Variants in ABCA3 observed in about 807,000 individuals in gnomAD.
The protein encoded by ABCA3 is phospholipid-transporting ATPase ABCA3.
In ABCA3, 88 loss-of-function variants were observed where a neutral mutation model predicts 172.8. The ratio of observed to expected loss-of-function variants is 0.51; its 90% CI spans 0.43 to 0.61. ABCA3 has a LOEUF of 0.61. Among genes scored for constraint, ABCA3 ranks in the 20% least tolerant of loss-of-function variants. The pLI is 0.00. For missense variants in ABCA3, 2,164 were observed against 2,301.0 expected (o/e 0.94, Z 1.22); for synonymous variants, 1,066 against 983.8 (o/e 1.08, Z -1.56).
At chr16:2,308,105 C>T (rs968959208) in intron 11 of ABCA3, among the ~76,000 whole-genome samples, 9 of 152,236 alleles carry the variant, frequency 5.9e-5, no homozygotes, top group African/African-American at 2.2e-4. Flanking sequence ...CTGAAAGAGG[C>T]TCAGGTCACC....
Position 2,284,815 on chromosome 16 carries a change from C to T in ABCA3, c.3667G>A (p.Ala1223Thr), listed in dbSNP as rs776959824. ...LTIFNILSGIATFLMVTIMRI... is the reference protein window; with the variant it reads ...LTIFNILSGITTFLMVTIMRI... ...ATGATGGTGACCATCAGGAAGGTGG[C>T]GATGCCTGACAGGATGTTGAAGATG... is the stretch of plus-strand genomic sequence containing the variant. Residue 1223 changes from alanine (A) to threonine (T), a missense_variant, in exon 24 of 33, where the codon GCC becomes ACC. Around this residue, in one of 3 missense-constraint regions of ABCA3, gnomAD observed 795 missense variants for 881.9 expected, o/e 0.90. Coordinates refer to ENST00000301732, the MANE Select transcript of ABCA3 (RefSeq NM_001089.3). The surrounding 1 kb of genome is among the most constrained non-coding windows in gnomAD (Gnocchi z 5.9). 136 of 1,613,672 alleles carry T rather than the reference C, an allele frequency of 8.4e-5. No individual in the cohort carries two copies. The highest frequency in any genetic ancestry group is 1.1e-4 in the Non-Finnish European group (128 of 1,179,958).
chr16:2,297,574 G>C lies in ABCA3; in HGVS notation c.2053-35C>G. 1 of 1,608,932 alleles carries C rather than the reference G, an allele frequency of 6.2e-7. No individual in the cohort carries two copies. The highest frequency in any genetic ancestry group is 8.5e-7 in the Non-Finnish European group (1 of 1,179,004). On this transcript the variant is annotated intron_variant, in intron 16 of 32. Coordinates refer to ENST00000301732, the MANE Select transcript of ABCA3 (RefSeq NM_001089.3). This position sits in a 1 kb window ranked among gnomAD's most constrained non-coding sequence, Gnocchi z 5.6. ...GAGACACAGTCTCGCGACGCTGGTA[G>C]AGCCACACCCCGGGCCCAGGCTGGC... is the stretch of plus-strand genomic sequence containing the variant.
At chr16:2,292,309 C>A (rs776359693) in intron 18 of ABCA3, 71 bp from the exon 19 acceptor site, 72 of 1,340,982 alleles carry the variant, frequency 5.4e-5, no homozygotes, top group Non-Finnish European at 6.1e-5. Flanking sequence ...TAAAGCATCA[C>A]CCCCCCTCGG....
intron 10 of ABCA3, among the ~76,000 whole-genome samples, chr16:2,315,202 TTAC>T (rs1567350244): frequency 3.3e-5 from 4 of 119,446 alleles, no homozygotes; most frequent in East Asian, 4.4e-4. Context: ...TGTATGTATT[TTAC>T]ACACACACAC....
intron 11 of ABCA3, among the ~76,000 whole-genome samples, chr16:2,306,784 G>A (rs1287918480): frequency 1.3e-5 from 2 of 152,168 alleles, no homozygotes; most frequent in East Asian, 3.9e-4. Flanking sequence ...GGGAGGCCGA[G>A]GCGGGCGGAT....
chr16:2,304,167 G>A lies in ABCA3; in HGVS notation c.1286-17C>T, dbSNP rs1567345818. ...TGCCCATGCCTGGAAGACACATCAGGAAAGTGGCCCGAAAGCCAGCAGGCT... is the reference window on the plus strand; with the variant it reads ...TGCCCATGCCTGGAAGACACATCAGAAAAGTGGCCCGAAAGCCAGCAGGCT... On this transcript the variant is annotated splice_polypyrimidine_tract_variant and intron_variant, in intron 11 of 32. Transcript: ENST00000301732. 3.1e-6 allele frequency: 5 copies of A among 1,614,002 alleles called. No homozygotes were observed. The highest frequency in any genetic ancestry group is 4.2e-6 in the Non-Finnish European group (5 of 1,180,036).
intron 1 of ABCA3, among the ~76,000 whole-genome samples, chr16:2,337,739 C>G (rs965416202): frequency 6.6e-6 from 1 of 152,166 alleles, no homozygotes; most frequent in Non-Finnish European, 1.5e-5. Flanking sequence ...GGAACAAATG[C>G]ACAACCCACA....
rs779668076 is a variant in ABCA3, at chr16:2,288,177, G to A, written c.2853C>T (p.Phe951=). 6 of 1,606,206 alleles carry A rather than the reference G, an allele frequency of 3.7e-6. No homozygotes were observed. Among genetic ancestry groups the A allele is most frequent in the African/African-American group, 2.7e-5 (2 of 74,778 alleles). ...LLAINYSSEL[F]DDPMLRLTLG... ...AGGTCAGCCTCAGCATGGGGTCGTC[G>A]AAGAGCTCCGAGGAGTAGTTGATGG... Residue 951 remains phenylalanine (F), a synonymous_variant, in exon 21 of 33, where the codon TTC becomes TTT. Coordinates refer to ENST00000301732, the MANE Select transcript of ABCA3 (RefSeq NM_001089.3).
Position 2,278,855 on chromosome 16 carries a change from C to T in ABCA3, c.4547+88G>A. 2 of 1,570,496 alleles carry T rather than the reference C, an allele frequency of 1.3e-6. No homozygotes were observed. Among genetic ancestry groups the T allele is most frequent in the Non-Finnish European group, 1.7e-6 (2 of 1,148,388 alleles). On this transcript the variant is annotated intron_variant, in intron 29 of 32. Transcript: ENST00000301732. This position sits in a 1 kb window ranked among gnomAD's most constrained non-coding sequence, Gnocchi z 4.4. ...GAGCCACAAGCAGGAGCTCTGGCTG[C>T]TGACCTGAGCGGTCACTCCCAGCTC...
Position 2,286,945 on chromosome 16 carries a change from G to T in ABCA3, c.3027C>A (p.Ile1009=). 6.2e-7 allele frequency: 1 copy of T among 1,613,712 alleles called. No homozygotes were observed. The highest frequency in any genetic ancestry group is 1.1e-5 in the South Asian group (1 of 91,068). Residue 1009 remains isoleucine, a synonymous_variant, in exon 22 of 33, where the codon ATC becomes ATA. Transcript: ENST00000301732. The surrounding 1 kb of genome is among the most constrained non-coding windows in gnomAD (Gnocchi z 5.2). ...EVLGDLEEFL[I]FRASVEGGGF... is the part of the protein sequence containing the mutation. ...CGCCCCCCTCCACAGAAGCCCTGAA[G>T]ATCAAGAACTCCTCCAGGTCACCTG...
At position 2,298,371 on chromosome 16, in the gene ABCA3, T is replaced by G. The variant is rs2093683471; in HGVS notation, c.1896+15A>C. On this transcript the variant is annotated intron_variant, in intron 15 of 32. Transcript: ENST00000301732. The stretch of plus-strand genomic sequence containing the variant: ...CAGTGGAAACACCCCTGCACACCCC[T>G]GGCCCCCAACTCACCTGGGCGTAGA... The G allele has an allele frequency of 6.2e-7, 1 of 1,613,958 alleles. No homozygotes were observed. The highest frequency in any genetic ancestry group is 8.5e-7 in the Non-Finnish European group (1 of 1,179,974).
rs1246520075 is a variant in ABCA3, at chr16:2,320,960, A to T, written c.614-1120T>A. Among the ~76,000 whole-genome samples, 5 of 150,576 alleles carry T rather than the reference A, an allele frequency of 3.3e-5. No homozygotes were observed. The East Asian group carries it at 9.7e-4, about 29-fold the overall frequency. ...TATTTACTCTGTGTCATTTGCCACA[A>T]AGGTTTTCCCCAGTCTGCTATGTGC... On this transcript the variant is annotated intron_variant, in intron 7 of 32. Transcript: ENST00000301732.
At position 2,297,320 on chromosome 16, in the gene ABCA3, A is replaced by T. The variant is rs762267459; in HGVS notation, c.2263+9T>A. The T allele has an allele frequency of 1.2e-6, 2 of 1,608,952 alleles. No homozygotes were observed. Among genetic ancestry groups the T allele is most frequent in the African/African-American group, 2.7e-5 (2 of 74,574 alleles). On this transcript the variant is annotated intron_variant, in intron 17 of 32. Coordinates refer to ENST00000301732, the MANE Select transcript of ABCA3 (RefSeq NM_001089.3). The surrounding 1 kb of genome is among the most constrained non-coding windows in gnomAD (Gnocchi z 5.6). ...ACCGACCCTGTCGCGGGCTGGCCCC[A>T]CCGCTCACCGTATTTCTGCTTGAGG...
intron 18 of ABCA3, 132 bp downstream of exon 18, chr16:2,295,458 T>C: frequency 1.5e-6 from 2 of 1,378,476 alleles, no homozygotes; most frequent in South Asian, 2.3e-5. Flanking sequence ...GTGCCCAGGC[T>C]GAGGGTCTAA....
At chr16:2,331,081 G>A (rs1302785810) in intron 1 of ABCA3, among the ~76,000 whole-genome samples, 1 of 152,122 alleles carries the variant, frequency 6.6e-6, no homozygotes, top group Non-Finnish European at 1.5e-5. Flanking sequence ...ACTACAACCT[G>A]TGGGTCCTAA....
Position 2,283,124 on chromosome 16 carries a change from T to A in ABCA3, c.4035+62A>T, listed in dbSNP as rs1427369862. On this transcript the variant is annotated intron_variant, in intron 26 of 32. Transcript: ENST00000301732. The surrounding 1 kb of genome is among the most constrained non-coding windows in gnomAD (Gnocchi z 5.4). ...GAGGTGGAGCTGCCCCAGGTTGTGC[T>A]GGGCCCAAGCAGAGACGTGGGGAGC... 1 of 1,548,684 alleles carries A rather than the reference T, an allele frequency of 6.5e-7. No individual in the cohort carries two copies. The highest frequency in any genetic ancestry group is 8.8e-7 in the Non-Finnish European group (1 of 1,136,052).
At position 2,277,467 on chromosome 16, in the gene ABCA3, G is replaced by A; in HGVS notation, c.4983+130C>T. 2 of 944,256 alleles carry A rather than the reference G, an allele frequency of 2.1e-6. No homozygotes were observed. The highest frequency in any genetic ancestry group is 2.0e-5 in the Admixed American group (1 of 49,406). The allele number at this position is 944,256 out of a possible 1,614,324, so 58.5% of individuals were successfully genotyped here. A position where few individuals can be genotyped will look rare whatever the true frequency, so the allele number is the denominator to read the frequency against. ...CCCCCAAACCAGCACGTATCAGGCT[G>A]AGTGTTAGGGGAGAAATGGAAAGTG... On this transcript the variant is annotated intron_variant, in intron 32 of 32. Coordinates refer to ENST00000301732, the MANE Select transcript of ABCA3 (RefSeq NM_001089.3). The surrounding 1 kb of genome is among the most constrained non-coding windows in gnomAD (Gnocchi z 5.3).
intron 8 of ABCA3, among the ~76,000 whole-genome samples, chr16:2,319,313 G>A (rs971879510): frequency 5.3e-5 from 8 of 151,778 alleles, no homozygotes; most frequent in African/African-American, 1.2e-4. Context: ...GTGAAACCAC[G>A]TCTCTACTAA....
chr16:2,323,713 C>G, intron 6 of ABCA3, 25 bp from the exon 7 acceptor site: 1 of 1,614,008 alleles, frequency 6.2e-7, no homozygotes, highest in South Asian at 1.1e-5. Flanking sequence ...AGAAAACCAG[C>G]TGTTCCGAGA....
Sources: allele counts gnomAD v4.1 joint callset (sites outside exome capture counted in the v4.1 genomes callset), GRCh38; gene constraint gnomAD v4.1.1; regional missense constraint gnomAD v4.1.1; non-coding constraint Gnocchi (gnomAD v3.1); transcripts MANE v1.5; gene names NCBI Gene and HGNC (gene_info 2026-07-23, HGNC 2026-07-21).